ITGB3: variants seen among roughly 807,000 people sequenced by gnomAD.
ITGB3 encodes integrin beta-3.
Under a neutral mutation model 85.8 loss-of-function variants are expected in ITGB3, and 48 were observed. The ratio of observed to expected loss-of-function variants is 0.56; its 90% CI spans 0.44 to 0.71. The LOEUF is 0.71. Among genes scored for constraint, ITGB3 ranks in the 30% least tolerant of loss-of-function variants. ITGB3 has a pLI of 0.00. For missense variants in ITGB3, 861 were observed against 1,019.1 expected (o/e 0.84, Z 2.11); for synonymous variants, 363 against 395.6 (o/e 0.92, Z 0.98).
intron 12 of ITGB3, 129 bp downstream of exon 12, chr17:47,300,707 C>T (rs1567769095): frequency 1.4e-6 from 1 of 734,304 alleles, no homozygotes; most frequent in Admixed American, 2.0e-5. Flanking sequence ...GTTGTGCAGG[C>T]TTGAGGAACA....
At chr17:47,261,824 G>A (rs1208016564) in intron 1 of ITGB3, among the ~76,000 whole-genome samples, 4 of 152,124 alleles carry the variant, frequency 2.6e-5, no homozygotes, top group Non-Finnish European at 5.9e-5. Context: ...CTGGCCCATT[G>A]TCTCTTAATA....
chr17:47,283,637 G>A, intron 3 of ITGB3, 88 bp downstream of exon 3: 1 of 1,299,960 alleles, frequency 7.7e-7, no homozygotes, highest in Non-Finnish European at 1.1e-6. Context: ...TCTTGGGGAA[G>A]TAGCTCAGAA....
chr17:47,269,023 A>G (rs1439414724), intron 1 of ITGB3, among the ~76,000 whole-genome samples: 6 of 150,512 alleles, frequency 4.0e-5, no homozygotes, highest in African/African-American at 1.2e-4. Flanking sequence ...GGAAGCTGCC[A>G]AGGCTTGGGG....
chr17:47,295,806 A>G (rs1598696670), intron 10 of ITGB3, among the ~76,000 whole-genome samples: 1 of 150,886 alleles, frequency 6.6e-6, no homozygotes, highest in Admixed American at 6.6e-5. Flanking sequence ...TGGCTGGCGC[A>G]CTCCTCCCCC....
At position 47,299,609 on chromosome 17, in the gene ITGB3, G is replaced by A. The variant is rs112963410; in HGVS notation, c.1913+79G>A. 619 of 1,335,212 alleles carry A rather than the reference G, an allele frequency of 4.6e-4. 2 individuals carry two copies. In the African/African-American group the frequency reaches 6.6e-3, roughly 14 times the overall value. 82.7% of individuals were successfully genotyped at this position (1,335,212 alleles called of 1,614,324 possible). On this transcript the variant is annotated intron_variant, in intron 11 of 14. Transcript: ENST00000559488. The surrounding 1 kb of genome is among the most constrained non-coding windows in gnomAD (Gnocchi z 5.1). ...CTGACTAGAATCCCCAGCTCTCCAG[G>A]TGTGTTTCTTGCTCACCAGAGCCTT...
At chr17:47,280,869 C>T (rs564185775) in intron 2 of ITGB3, among the ~76,000 whole-genome samples, 81 of 152,252 alleles carry the variant, frequency 5.3e-4, no homozygotes, top group Middle Eastern at 3.4e-3. Flanking sequence ...TTTCCTTTTC[C>T]GTGCCTTGAC....
intron 12 of ITGB3, 39 bp from the exon 13 acceptor site, chr17:47,302,682 T>A (rs377130624): frequency 6.2e-6 from 10 of 1,613,250 alleles, no homozygotes; most frequent in South Asian, 1.1e-5. Flanking sequence ...CTTCCAGTAG[T>A]TGTCTCACTT....
rs79869176 is a variant in ITGB3, at chr17:47,297,322, G to C, written c.1691-1986G>C. 5.4e-4 allele frequency among the ~76,000 whole-genome samples: 82 copies of C among 152,210 alleles called. 1 individual carries two copies. In the East Asian group the frequency reaches 0.013, roughly 24 times the overall value. ...TTACTTAACCTCTCTGACCTCAAAG[G>C]GTTGTTATAACAAATGAAAAGGATA... On this transcript the variant is annotated intron_variant, in intron 10 of 14. Coordinates refer to ENST00000559488, the MANE Select transcript of ITGB3 (RefSeq NM_000212.3).
chr17:47,275,298 A>G (rs1217293207), intron 2 of ITGB3, among the ~76,000 whole-genome samples: 1 of 147,858 alleles, frequency 6.8e-6, no homozygotes, highest in Non-Finnish European at 1.5e-5. Flanking sequence ...GTCTAGGCAG[A>G]GGGTTTGTTG....
At chr17:47,280,542 A>G (rs1650898041) in intron 2 of ITGB3, among the ~76,000 whole-genome samples, 1 of 152,090 alleles carries the variant, frequency 6.6e-6, no homozygotes, top group Non-Finnish European at 1.5e-5. Flanking sequence ...TTTTTAGTGG[A>G]GACGGGGTTT....
At chr17:47,254,844 T>C (rs1295816677) in intron 1 of ITGB3, among the ~76,000 whole-genome samples, 2 of 152,240 alleles carry the variant, frequency 1.3e-5, no homozygotes, top group African/African-American at 4.8e-5. Flanking sequence ...CCCTGGCTCC[T>C]GGTCTGCTGG....
intron 4 of ITGB3, 100 bp from the exon 5 acceptor site, chr17:47,286,160 G>GCATACCA (rs2065101620): frequency 1.2e-5 from 16 of 1,361,220 alleles, no homozygotes; most frequent in Non-Finnish European, 1.7e-5. Flanking sequence ...ACTGGCCTTG[G>GCATACCA]CATACCACTA....
chr17:47,295,005 C>A (rs2065140394), intron 10 of ITGB3, among the ~76,000 whole-genome samples: 1 of 152,226 alleles, frequency 6.6e-6, no homozygotes, highest in Admixed American at 6.5e-5. Flanking sequence ...TCAAGAAGTG[C>A]ATCATCCTCA....
At chr17:47,280,864 T>A (rs543961447) in intron 2 of ITGB3, among the ~76,000 whole-genome samples, 1 of 152,182 alleles carries the variant, frequency 6.6e-6, no homozygotes, top group Non-Finnish European at 1.5e-5. Context: ...ACACTTTTCC[T>A]TTTCCGTGCC....
At chr17:47,300,346 C>CGCGCGCGCGCGCGT (rs377375532) in intron 11 of ITGB3, 132 bp from the exon 12 acceptor site, 1 of 611,562 alleles carries the variant, frequency 1.6e-6, no homozygotes, top group African/African-American at 1.9e-5. Context: ...CGCGCGCGCG[C>CGCGCGCGCGCGCGT]GTGTGTGTGT....
At chr17:47,303,511 G>A (rs2065175228) in intron 13 of ITGB3, 2 of 152,678 alleles carry the variant, frequency 1.3e-5, no homozygotes, top group South Asian at 4.1e-4. Context: ...CATGGCATCT[G>A]CACTATTAAA....
intron 14 of ITGB3, among the ~76,000 whole-genome samples, chr17:47,308,528 G>A (rs2143153758): frequency 6.6e-6 from 1 of 151,860 alleles, no homozygotes; most frequent in African/African-American, 2.4e-5. Context: ...TTTTTTTGGA[G>A]ACAGAGTCTT....
chr17:47,312,127 T>C lies in ITGB3; in HGVS notation c.*1923T>C, dbSNP rs1352673989. Among the ~76,000 whole-genome samples the C allele has an allele frequency of 6.6e-6, 1 of 152,236 alleles. No individual in the cohort carries two copies. Among genetic ancestry groups the C allele is most frequent in the Non-Finnish European group, 1.5e-5 (1 of 68,036 alleles). On this transcript the variant is annotated 3_prime_UTR_variant, in exon 15 of 15. Coordinates refer to ENST00000559488, the MANE Select transcript of ITGB3 (RefSeq NM_000212.3). ...TCAATGAAAGTCTCATTCTATCCTC[T>C]CTCCAAACCCGTTTTCCAACATTTG... is the stretch of plus-strand genomic sequence containing the variant.
In ITGB3 at chr17:47,292,489, T is replaced by C. The variant is rs1478179087; in HGVS notation, c.1611T>C (p.Ser537=). Residue 537 remains serine, a synonymous_variant, in exon 10 of 15, where the codon AGT becomes AGC. Coordinates refer to ENST00000559488, the MANE Select transcript of ITGB3 (RefSeq NM_000212.3). The part of the protein sequence containing the change: ...CLCGQCVCHS[S]DFGKITGKYC... ...GTGGTCAATGTGTCTGCCACAGCAGTGACTTTGGCAAGATCACGGGCAAGT... is the reference window on the plus strand; with the variant it reads ...GTGGTCAATGTGTCTGCCACAGCAGCGACTTTGGCAAGATCACGGGCAAGT... 1 of 1,610,156 alleles carries C rather than the reference T, an allele frequency of 6.2e-7. No homozygotes were observed. The highest frequency in any genetic ancestry group is 1.7e-5 in the Admixed American group (1 of 59,962).
Sources: gnomAD v4.1 joint callset for allele counts (sites outside exome capture counted in the v4.1 genomes callset) on GRCh38, gnomAD v4.1.1 for gene constraint, Gnocchi (gnomAD v3.1) non-coding constraint, MANE v1.5 for transcripts, NCBI Gene and HGNC (gene_info 2026-07-23, HGNC 2026-07-21) for gene names.